PRKN: variants seen among roughly 807,000 people sequenced by gnomAD.
PRKN encodes parkin RBR E3 ubiquitin protein ligase.
In PRKN, 56 loss-of-function variants were observed where a neutral mutation model predicts 59.5. That is an observed-to-expected ratio of 0.94 (90% CI 0.76 to 1.18). The LOEUF (loss-of-function observed/expected upper bound fraction) is 1.18. PRKN is among the 50% of genes most tolerant of loss of function. PRKN has a pLI of 0.00. For synonymous variants in PRKN, 250 were observed against 222.1 expected (o/e 1.13, Z -1.12); for missense variants, 657 against 596.4 (o/e 1.10, Z -1.06).
At chr6:162,064,343 T>C (rs1376282883) in intron 4 of PRKN, among the ~76,000 whole-genome samples, 1 of 152,150 alleles carries the variant, frequency 6.6e-6, no homozygotes, top group Non-Finnish European at 1.5e-5. Context: ...CATGAGTGTA[T>C]GTAACTGTCG....
At chr6:161,882,486 A>C (rs1369732278) in intron 6 of PRKN, among the ~76,000 whole-genome samples, 1 of 152,118 alleles carries the variant, frequency 6.6e-6, no homozygotes. Context: ...TCCCACAATG[A>C]GCTCATCCTC....
chr6:161,610,492 TACACACACACACAC>T lies in PRKN; in HGVS notation c.872-41090_872-41077del, dbSNP rs370179659. ...GAAAAATGTATATGTATATTAATAA[TACACACACACACAC>T]ACACACACACACACACACACACAAA... On this transcript the variant is annotated intron_variant, in intron 7 of 11. Coordinates refer to ENST00000366898, the MANE Select transcript of PRKN (RefSeq NM_004562.3). 4.6e-3 allele frequency among the ~76,000 whole-genome samples: 646 copies of T among 139,854 alleles called. 4 individuals carry two copies. Among genetic ancestry groups the T allele is most frequent in the East Asian group, 0.024 (114 of 4,838 alleles). 91.7% of individuals were successfully genotyped at this position (139,854 alleles called of 152,430 possible). A position where few individuals can be genotyped will look rare whatever the true frequency, so the allele number is the denominator to read the frequency against.
intron 1 of PRKN, among the ~76,000 whole-genome samples, chr6:162,682,254 A>T (rs907869813): frequency 6.6e-6 from 1 of 152,070 alleles, no homozygotes; most frequent in Non-Finnish European, 1.5e-5. Flanking sequence ...ATATGGTATT[A>T]TTATATATCC....
chr6:161,370,734 A>C (rs78486650), intron 10 of PRKN, among the ~76,000 whole-genome samples: 9,522 of 152,332 alleles, frequency 0.063, 419 homozygotes, highest in South Asian at 0.21. Context: ...GTAGCCAATA[A>C]TTAGACAAGT....
At chr6:162,013,492 T>G (rs1409059775) in intron 5 of PRKN, among the ~76,000 whole-genome samples, 1 of 152,170 alleles carries the variant, frequency 6.6e-6, no homozygotes, top group Admixed American at 6.5e-5. Flanking sequence ...GCCAGGTGTA[T>G]TCATTCCTAG....
intron 1 of PRKN, among the ~76,000 whole-genome samples, chr6:162,584,025 A>T (rs1431272577): frequency 1.3e-5 from 2 of 152,042 alleles, no homozygotes; most frequent in African/African-American, 4.8e-5. Flanking sequence ...CATCCTGGCT[A>T]ACACGGTGAA....
chr6:162,451,997 A>C (rs1205591369), intron 1 of PRKN, among the ~76,000 whole-genome samples: 1 of 152,006 alleles, frequency 6.6e-6, no homozygotes, highest in East Asian at 1.9e-4. Context: ...CAACAAGAAA[A>C]GTTTGTCTGT....
At chr6:162,582,512 AG>A (rs1278515296) in intron 1 of PRKN, among the ~76,000 whole-genome samples, 1 of 152,166 alleles carries the variant, frequency 6.6e-6, no homozygotes, top group African/African-American at 2.4e-5. Context: ...CTGAAAGAAA[AG>A]ATGGAGTTAC....
rs1321527040 is a variant in PRKN at position 161,547,850 on chromosome 6, A to G, written c.1083+1004T>C. 6.6e-6 allele frequency among the ~76,000 whole-genome samples: 1 copy of G among 152,152 alleles called. No homozygotes were observed. The highest frequency in any genetic ancestry group is 1.5e-5 in the Non-Finnish European group (1 of 68,032). On this transcript the variant is annotated intron_variant, in intron 9 of 11. Transcript: ENST00000366898. This position sits in a 1 kb window ranked among gnomAD's most constrained non-coding sequence, Gnocchi z 4.0. ...AGGTATTTCTTTCCACTTAGGCACC[A>G]TGGTATCTCATTATTTTTCAACTTC... is the stretch of plus-strand genomic sequence containing the variant.
chr6:161,445,572 G>A lies in PRKN; in HGVS notation c.1084-58695C>T, dbSNP rs866042697. Among the ~76,000 whole-genome samples the A allele has an allele frequency of 5.3e-5, 8 of 152,220 alleles. No individual in the cohort carries two copies. Among genetic ancestry groups the A allele is most frequent in the East Asian group, 1.9e-4 (1 of 5,186 alleles). On this transcript the variant is annotated intron_variant, in intron 9 of 11. Transcript: ENST00000366898. This position sits in a 1 kb window ranked among gnomAD's most constrained non-coding sequence, Gnocchi z 7.7. The stretch of plus-strand genomic sequence containing the variant: ...AGTGTCAGCTGGCTGCCATCCCAGC[G>A]TCTGACAGGGCAGCAGGAGAAAGAG...
chr6:162,372,942 C>T (rs927936920), intron 2 of PRKN, among the ~76,000 whole-genome samples: 1 of 152,026 alleles, frequency 6.6e-6, no homozygotes, highest in African/African-American at 2.4e-5. Context: ...TTTTGTTTAT[C>T]ACGGTGTCAA....
intron 1 of PRKN, among the ~76,000 whole-genome samples, chr6:162,448,860 T>C (rs1360058929): frequency 6.7e-6 from 1 of 149,200 alleles, no homozygotes; most frequent in East Asian, 2.0e-4. Flanking sequence ...CTCCCTCCTT[T>C]ATTTCTTTCT....
At chr6:162,080,259 C>T (rs1199107729) in intron 4 of PRKN, among the ~76,000 whole-genome samples, 1 of 152,060 alleles carries the variant, frequency 6.6e-6, no homozygotes, top group Non-Finnish European at 1.5e-5. Flanking sequence ...CAAGTAATTT[C>T]AATTCTACAA....
chr6:161,719,955 A>G (rs10945770), intron 7 of PRKN, among the ~76,000 whole-genome samples: 32,965 of 152,130 alleles, frequency 0.22, 5,750 homozygotes, highest in African/African-American at 0.48. Flanking sequence ...CACTTCACTG[A>G]GTCCGTGGCT....
intron 4 of PRKN, among the ~76,000 whole-genome samples, chr6:162,137,207 G>C (rs958606633): frequency 3.9e-5 from 6 of 152,058 alleles, no homozygotes; most frequent in Non-Finnish European, 8.8e-5. Flanking sequence ...TGGAGGTCTG[G>C]CTGGGAATAT....
At chr6:162,440,663 C>T (rs973725117) in intron 2 of PRKN, among the ~76,000 whole-genome samples, 2 of 152,112 alleles carry the variant, frequency 1.3e-5, no homozygotes, top group Admixed American at 6.5e-5. Flanking sequence ...CAAGCATAGA[C>T]ACCACCCCAG....
At chr6:161,945,150 G>A (rs540491285) in intron 6 of PRKN, among the ~76,000 whole-genome samples, 1 of 152,158 alleles carries the variant, frequency 6.6e-6, no homozygotes, top group South Asian at 2.1e-4. Context: ...TGGAGAGAAA[G>A]CCTTAGTTAT....
intron 2 of PRKN, among the ~76,000 whole-genome samples, chr6:162,419,015 C>T (rs1788812375): frequency 6.6e-6 from 1 of 151,826 alleles, no homozygotes; most frequent in Non-Finnish European, 1.5e-5. Context: ...GGCAAAGAAC[C>T]AGAGACAAAG....
At chr6:162,169,623 T>A (rs1454099234) in intron 4 of PRKN, among the ~76,000 whole-genome samples, 2 of 152,124 alleles carry the variant, frequency 1.3e-5, no homozygotes. Flanking sequence ...GGTGTAGGAG[T>A]TGGATGAATA....
Sources: allele counts gnomAD v4.1 joint callset (sites outside exome capture counted in the v4.1 genomes callset), GRCh38; gene constraint gnomAD v4.1.1; non-coding constraint Gnocchi (gnomAD v3.1); transcripts MANE v1.5; gene names NCBI Gene and HGNC (gene_info 2026-07-23, HGNC 2026-07-21).